P4HA2: variants seen among roughly 807,000 people sequenced by gnomAD.
P4HA2 encodes prolyl 4-hydroxylase subunit alpha-2.
A neutral mutation model predicts 76.9 loss-of-function variants in P4HA2; 46 were observed. The ratio of observed to expected loss-of-function variants is 0.60; its 90% confidence interval spans 0.47 to 0.76. The LOEUF (loss-of-function observed/expected upper bound fraction) is 0.76. Among genes scored for constraint, P4HA2 ranks in the 30% least tolerant of loss-of-function variants. P4HA2 has a pLI of 0.00. For synonymous variants in P4HA2, 243 were observed against 254.0 expected, an observed-to-expected ratio of 0.96 and a Z score of 0.41; for missense variants, 583 against 669.4, an observed-to-expected ratio of 0.87 and a Z score of 1.42.
intron 10 of P4HA2, among the ~76,000 whole-genome samples, chr5:132,203,187 C>T (rs1751753550): frequency 6.6e-6 from 1 of 152,194 alleles, no homozygotes; most frequent in Admixed American, 6.5e-5. Context: ...TGCTGCAGCC[C>T]ACTCTGCAAG....
intron 5 of P4HA2, among the ~76,000 whole-genome samples, chr5:132,211,544 G>T (rs1243188120): frequency 6.6e-6 from 1 of 152,194 alleles, no homozygotes; most frequent in Non-Finnish European, 1.5e-5. Flanking sequence ...AACCCCGGTG[G>T]CTCAGGAACC....
intron 2 of P4HA2, among the ~76,000 whole-genome samples, chr5:132,218,228 C>T (rs936463337): frequency 6.6e-6 from 1 of 152,246 alleles, no homozygotes; most frequent in South Asian, 2.1e-4. Context: ...AAAGCTTGAT[C>T]CTCAGGATAC....
At chr5:132,196,648 G>C (rs542453315) in intron 12 of P4HA2, among the ~76,000 whole-genome samples, 1 of 152,090 alleles carries the variant, frequency 6.6e-6, no homozygotes, top group South Asian at 2.1e-4. Context: ...ATCACTTGAG[G>C]TCAGGAGCTT....
intron 8 of P4HA2, among the ~76,000 whole-genome samples, chr5:132,206,563 T>C (rs567624744): frequency 2.0e-5 from 3 of 152,284 alleles, no homozygotes; most frequent in Admixed American, 6.5e-5. Context: ...TCATCAGTGA[T>C]GGGATATGGC....
intron 12 of P4HA2, 40 bp from the exon 13 acceptor site, chr5:132,195,520 G>A (rs1750507057): frequency 6.8e-7 from 1 of 1,475,916 alleles, no homozygotes; most frequent in African/African-American, 1.4e-5. Flanking sequence ...TCCTACCCAA[G>A]GCTCTCAGAG....
intron 4 of P4HA2, 96 bp from the exon 5 acceptor site, chr5:132,214,149 A>G: frequency 7.7e-7 from 1 of 1,291,670 alleles, no homozygotes. Flanking sequence ...GTCTCTGGCT[A>G]GTGAAATTTC....
chr5:132,210,351 G>A lies in P4HA2; in HGVS notation c.642C>T (p.Ser214=). The A allele has an allele frequency of 1.2e-6, 2 of 1,614,096 alleles. No homozygotes were observed. Among genetic ancestry groups the A allele is most frequent in the Non-Finnish European group, 1.7e-6 (2 of 1,179,982 alleles). ...GATCACCCAACTGGAAGACAGCATAGCTGAGGTAGTCCAGCACCTGTGACT... is the reference window on the plus strand; with the variant it reads ...GATCACCCAACTGGAAGACAGCATAACTGAGGTAGTCCAGCACCTGTGACT... ...TTKSQVLDYL[S]YAVFQLGDLH... Residue 214 remains serine, a synonymous_variant, in exon 6 of 15, where the codon AGC becomes AGT. Transcript: ENST00000360568.
At chr5:132,198,481 T>G in intron 11 of P4HA2, 101 bp from the exon 12 acceptor site, 3 of 1,094,332 alleles carry the variant, frequency 2.7e-6, no homozygotes, top group Non-Finnish European at 4.1e-6. Context: ...AAGTGTGTGT[T>G]CCATAAATCA....
At position 132,226,162 on chromosome 5, in the gene P4HA2, C is replaced by T. The variant is rs76702312; in HGVS notation, c.-19+1628G>A. On this transcript the variant is annotated intron_variant, in intron 1 of 14. Transcript: ENST00000360568. Reference sequence around the variant, plus strand: ...GAAATCCTAGTTCATTTAACAGAGACTAAATTATGGAACCTAATGTCAGAT... The same window carrying T: ...GAAATCCTAGTTCATTTAACAGAGATTAAATTATGGAACCTAATGTCAGAT... Among the ~76,000 whole-genome samples the T allele has an allele frequency of 7.5e-3, 1,142 of 152,262 alleles. 12 individuals carry two copies. The highest frequency in any genetic ancestry group is 0.026 in the African/African-American group (1,076 of 41,538).
At chr5:132,204,996 C>A (rs745482891) in intron 8 of P4HA2, among the ~76,000 whole-genome samples, 2 of 152,238 alleles carry the variant, frequency 1.3e-5, no homozygotes, top group African/African-American at 4.8e-5. Flanking sequence ...GGGCCATAGG[C>A]CCAGGTACTC....
At chr5:132,205,321 G>A (rs778473318) in intron 8 of P4HA2, among the ~76,000 whole-genome samples, 2 of 152,124 alleles carry the variant, frequency 1.3e-5, no homozygotes, top group Non-Finnish European at 2.9e-5. Context: ...AGAGGCCTGG[G>A]AATGAAAATG....
intron 1 of P4HA2, among the ~76,000 whole-genome samples, chr5:132,221,742 T>C (rs1433516766): frequency 6.6e-6 from 1 of 152,238 alleles, no homozygotes; most frequent in Non-Finnish European, 1.5e-5. Flanking sequence ...AATTATTTTA[T>C]CATATGCTTA....
chr5:132,227,470 C>A (rs1755558329), intron 1 of P4HA2: 1 of 152,232 alleles, frequency 6.6e-6, no homozygotes, highest in Admixed American at 6.5e-5. Flanking sequence ...GGGAGCCTGA[C>A]AGGGAAGAGC....
At chr5:132,207,635 C>T in intron 8 of P4HA2, 73 bp downstream of exon 8, 2 of 1,352,740 alleles carry the variant, frequency 1.5e-6, no homozygotes, top group Non-Finnish European at 2.1e-6. Context: ...AAACCAACCA[C>T]CCATAGTGCT....
chr5:132,214,180 C>A, intron 4 of P4HA2, 127 bp from the exon 5 acceptor site: 1 of 861,538 alleles, frequency 1.2e-6, no homozygotes, highest in Non-Finnish European at 1.8e-6. Context: ...CCCTCAAAGG[C>A]TGTTGCCCCC....
At chr5:132,193,642 G>C (rs1750169227) in intron 14 of P4HA2, 1 of 152,278 alleles carries the variant, frequency 6.6e-6, no homozygotes, top group South Asian at 2.1e-4. Flanking sequence ...GTGAGGATGA[G>C]GAAGACTGTC....
intron 10 of P4HA2, 98 bp from the exon 11 acceptor site, chr5:132,199,030 C>A (rs1751114356): frequency 2.4e-6 from 2 of 818,248 alleles, no homozygotes; most frequent in Non-Finnish European, 2.1e-6. Flanking sequence ...CTGAAAACAA[C>A]CAGAACTCCC....
intron 1 of P4HA2, among the ~76,000 whole-genome samples, chr5:132,225,069 A>AG (rs1402966797): frequency 2.1e-5 from 3 of 145,526 alleles, no homozygotes; most frequent in African/African-American, 7.6e-5. Context: ...AAAAAAAAAA[A>AG]CTGTCTTTCT....
chr5:132,194,150 T>G (rs981787506), intron 14 of P4HA2, among the ~76,000 whole-genome samples: 3 of 152,208 alleles, frequency 2.0e-5, no homozygotes, highest in Admixed American at 6.5e-5. Context: ...AATCATAAGT[T>G]TTAGTTAAAG....
Sources: allele counts gnomAD v4.1 joint callset (sites outside exome capture counted in the v4.1 genomes callset), GRCh38; gene constraint gnomAD v4.1.1; transcripts MANE v1.5; gene names NCBI Gene and HGNC (gene_info 2026-07-23, HGNC 2026-07-21).